The following GRIN2B variants were observed in gnomAD, a reference collection of about 807,000 sequenced individuals.
The protein encoded by GRIN2B is glutamate receptor ionotropic, NMDA 2B.
Under a neutral mutation model 114.5 loss-of-function variants are expected in GRIN2B, and 5 were observed. The observed-to-expected ratio is 0.04, with a 90% CI of 0.02 to 0.09. The LOEUF (loss-of-function observed/expected upper bound fraction) is 0.09. GRIN2B is among the 10% of genes least tolerant of loss of function. The probability of loss-of-function intolerance (pLI) is 1.00; values close to 1 mark genes in which losing one functional copy is unlikely to be tolerated. For missense variants in GRIN2B, 1,108 were observed against 1,943.5 expected, an observed-to-expected ratio of 0.57 and a Z score of 8.08; for synonymous variants, 787 against 745.1, an observed-to-expected ratio of 1.06 and a Z score of -0.92.
At chr12:13,867,203 C>T (rs1368502046) in intron 2 of GRIN2B, among the ~76,000 whole-genome samples, 2 of 152,236 alleles carry the variant, frequency 1.3e-5, no homozygotes, top group African/African-American at 2.4e-5. Context: ...ATCCTATAGT[C>T]GTGACTTCCC....
chr12:13,582,315 A>G (rs1948863950), intron 10 of GRIN2B, among the ~76,000 whole-genome samples: 1 of 152,226 alleles, frequency 6.6e-6, no homozygotes, highest in South Asian at 2.1e-4. Context: ...TTCAAAAGGC[A>G]TGGCTGAATT....
intron 2 of GRIN2B, among the ~76,000 whole-genome samples, chr12:13,916,354 G>A (rs1236762536): frequency 6.6e-6 from 1 of 152,144 alleles, no homozygotes; most frequent in African/African-American, 2.4e-5. Flanking sequence ...GCCAAACTGA[G>A]ATTGGCCCTA....
chr12:13,616,574 A>ATCC lies in GRIN2B; in HGVS notation c.1206_1208dup (p.Glu402dup). ...CCAGGGTCACAATGCTCAGATGGTC[A>ATCC]TCCTCCTGCTCTTCAGTCTCTGGAC... On this transcript the variant is annotated inframe_insertion, in exon 6 of 14. Transcript: ENST00000609686. 6.2e-7 allele frequency: 1 copy of ATCC among 1,613,962 alleles called. No homozygotes were observed. The highest frequency in any genetic ancestry group is 8.5e-7 in the Non-Finnish European group (1 of 1,179,814).
chr12:13,606,182 T>G (rs1371597974), intron 10 of GRIN2B, among the ~76,000 whole-genome samples: 1 of 152,076 alleles, frequency 6.6e-6, no homozygotes, highest in Admixed American at 6.6e-5. Context: ...CATTTTATGT[T>G]GCTATAGAGG....
At chr12:13,728,041 C>A (rs1220467071) in intron 4 of GRIN2B, among the ~76,000 whole-genome samples, 2 of 152,186 alleles carry the variant, frequency 1.3e-5, no homozygotes, top group Non-Finnish European at 2.9e-5. Flanking sequence ...GTTTTCCCAG[C>A]CACCTCCATT....
intron 3 of GRIN2B, among the ~76,000 whole-genome samples, chr12:13,781,507 T>C (rs914911056): frequency 5.3e-5 from 8 of 152,220 alleles, no homozygotes; most frequent in African/African-American, 1.9e-4. Flanking sequence ...AAACTGATCA[T>C]TGGTAGCTTG....
intron 2 of GRIN2B, among the ~76,000 whole-genome samples, chr12:13,964,880 A>C (rs1867762432): frequency 6.6e-6 from 1 of 152,192 alleles, no homozygotes; most frequent in African/African-American, 2.4e-5. Context: ...GCAGGAGCTC[A>C]GCCTTCTTTG....
At chr12:13,585,112 G>GAGATAAAGA (rs142903234) in intron 10 of GRIN2B, among the ~76,000 whole-genome samples, 2 of 152,196 alleles carry the variant, frequency 1.3e-5, no homozygotes, top group Non-Finnish European at 2.9e-5. Flanking sequence ...AATTTTGGAG[G>GAGATAAAGA]AGATAAAGAA....
At chr12:13,809,498 G>A (rs553871690) in intron 3 of GRIN2B, among the ~76,000 whole-genome samples, 1 of 152,228 alleles carries the variant, frequency 6.6e-6, no homozygotes, top group South Asian at 2.1e-4. Flanking sequence ...GCTTATATAG[G>A]AGATATTTTA....
intron 2 of GRIN2B, among the ~76,000 whole-genome samples, chr12:13,954,389 C>A (rs78553241): frequency 6.6e-6 from 1 of 152,314 alleles, no homozygotes; most frequent in African/African-American, 2.4e-5. Context: ...GGAGCCAGCA[C>A]ATCCGGTTAA....
chr12:13,960,129 C>A (rs924881068), intron 2 of GRIN2B, among the ~76,000 whole-genome samples: 33 of 152,104 alleles, frequency 2.2e-4, no homozygotes, highest in African/African-American at 7.5e-4. Context: ...CCCTGCTCCC[C>A]ACTCATGACA....
At chr12:13,786,200 A>G (rs1395702781) in intron 3 of GRIN2B, among the ~76,000 whole-genome samples, 1 of 152,182 alleles carries the variant, frequency 6.6e-6, no homozygotes, top group Non-Finnish European at 1.5e-5. Flanking sequence ...TACTGCTTTA[A>G]TCATCCATAG....
chr12:13,723,417 T>C (rs1050842076), intron 4 of GRIN2B, among the ~76,000 whole-genome samples: 1 of 151,778 alleles, frequency 6.6e-6, no homozygotes, highest in Non-Finnish European at 1.5e-5. Flanking sequence ...TACCCTTGTA[T>C]CAATTTTCTC....
chr12:13,660,014 C>G lies in GRIN2B; in HGVS notation c.1125+15731G>C, dbSNP rs151136522. On this transcript the variant is annotated intron_variant, in intron 5 of 13. Transcript: ENST00000609686. ...GCAGCGGGCAGGCCCCAGTCCTCATCTGTTGCTACTCAGGGACATCAGTTC... is the reference window on the plus strand; with the variant it reads ...GCAGCGGGCAGGCCCCAGTCCTCATGTGTTGCTACTCAGGGACATCAGTTC... 5.5e-3 allele frequency among the ~76,000 whole-genome samples: 842 copies of G among 152,272 alleles called. 11 individuals carry two copies. The highest frequency in any genetic ancestry group is 7.6e-3 in the Non-Finnish European group (514 of 68,016).
At chr12:13,776,015 T>A (rs1333638767) in intron 3 of GRIN2B, among the ~76,000 whole-genome samples, 1 of 152,024 alleles carries the variant, frequency 6.6e-6, no homozygotes, top group African/African-American at 2.4e-5. Flanking sequence ...AGCAAACACA[T>A]GGAATCAACC....
chr12:13,903,833 A>G (rs1031154732), intron 2 of GRIN2B, among the ~76,000 whole-genome samples: 2 of 152,006 alleles, frequency 1.3e-5, no homozygotes, highest in Non-Finnish European at 2.9e-5. Context: ...TTTATTTCTC[A>G]TTATACAACT....
intron 2 of GRIN2B, among the ~76,000 whole-genome samples, chr12:13,899,354 A>T (rs1176628882): frequency 1.3e-5 from 2 of 152,314 alleles, no homozygotes; most frequent in African/African-American, 4.8e-5. Flanking sequence ...TTCAATAAAA[A>T]TAAGACAAGA....
chr12:13,601,811 T>G (rs1949165666), intron 10 of GRIN2B, among the ~76,000 whole-genome samples: 2 of 152,142 alleles, frequency 1.3e-5, no homozygotes, highest in Non-Finnish European at 2.9e-5. Flanking sequence ...CCCTCAGGAC[T>G]TGGAGGGTGA....
chr12:13,927,892 G>A (rs537170337), intron 2 of GRIN2B, among the ~76,000 whole-genome samples: 211 of 137,704 alleles, frequency 1.5e-3, no homozygotes, highest in Non-Finnish European at 2.8e-3. Context: ...ACTTGAGCCC[G>A]GGAAGCCAAG....
Sources: gnomAD v4.1 joint callset for allele counts (sites outside exome capture counted in the v4.1 genomes callset) on GRCh38, gnomAD v4.1.1 for gene constraint, MANE v1.5 for transcripts, NCBI Gene and HGNC (gene_info 2026-07-23, HGNC 2026-07-21) for gene names.